Variants in TBKBP1 observed in about 807,000 individuals in gnomAD.
TBKBP1 encodes the protein TBK1 binding protein 1.
TBKBP1 carries 47 observed loss-of-function variants against 69.9 expected under a neutral mutation model. The ratio of observed to expected loss-of-function variants is 0.67; its 90% confidence interval spans 0.53 to 0.86. The LOEUF is 0.86. Among genes scored for constraint, TBKBP1 ranks in the 40% least tolerant of loss-of-function variants. TBKBP1 has a pLI of 0.00. For missense variants in TBKBP1, 831 were observed against 858.6 expected (o/e 0.97, Z 0.40); for synonymous variants, 418 against 390.3 (o/e 1.07, Z -0.84).
chr17:47,708,934 C>A lies in TBKBP1; in HGVS notation c.1201C>A (p.Pro401Thr). Residue 401 changes from proline (P) to threonine (T), a missense_variant, in exon 9 of 10, where the codon CCG becomes ACG. Transcript: ENST00000578982. The surrounding 1 kb of genome is among the most constrained non-coding windows in gnomAD (Gnocchi z 4.4). ...GTCGCCCGTCCCGCAGCGCCGCTCG[C>A]CGGTGCCGCCGTCGTGCCAGTCCCC... ...CPSPVPQRRS[P>T]VPPSCQSPSP... 7.9e-7 allele frequency: 1 copy of A among 1,267,290 alleles called. No individual in the cohort carries two copies. Among genetic ancestry groups the A allele is most frequent in the Non-Finnish European group, 1.0e-6 (1 of 999,174 alleles). The allele number at this position is 1,267,290 out of a possible 1,614,324, so 78.5% of individuals were successfully genotyped here. A position where few individuals can be genotyped will look rare whatever the true frequency, so the allele number is the denominator to read the frequency against.
Position 47,706,867 on chromosome 17 carries a change from A to ACACG in TBKBP1, c.873-1523_873-1520dup, listed in dbSNP as rs1555623217. ...CACACACACACACACACACACACAC[A>ACACG]CACGCACACACCCCTACGCTCATTC... On this transcript the variant is annotated intron_variant, in intron 7 of 9. Transcript: ENST00000578982. Among the ~76,000 whole-genome samples, 180 of 148,908 alleles carry ACACG rather than the reference A, an allele frequency of 1.2e-3. 1 individual carries two copies. The highest frequency in any genetic ancestry group is 1.9e-3 in the Non-Finnish European group (131 of 67,574).
chr17:47,699,453 G>A lies in TBKBP1; in HGVS notation c.768G>A (p.Arg256=). ...REEQLQAECE[R]LQGELKQLQE... Reference sequence around the variant, plus strand: ...AGCAGCTCCAGGCCGAGTGCGAGCGGCTGCAGGGGGAGCTGAAGCAGCTGC... The same window carrying A: ...AGCAGCTCCAGGCCGAGTGCGAGCGACTGCAGGGGGAGCTGAAGCAGCTGC... Residue 256 remains arginine (R), a synonymous_variant, in exon 6 of 10, where the codon CGG becomes CGA. Transcript: ENST00000578982. The A allele has an allele frequency of 6.4e-7, 1 of 1,571,368 alleles. No individual in the cohort carries two copies. The highest frequency in any genetic ancestry group is 8.6e-7 in the Non-Finnish European group (1 of 1,159,842).
Position 47,708,853 on chromosome 17 carries a change from G to T in TBKBP1, c.1120G>T (p.Val374Leu), listed in dbSNP as rs1279199624. 2 of 1,204,832 alleles carry T rather than the reference G, an allele frequency of 1.7e-6. No homozygotes were observed. Among genetic ancestry groups the T allele is most frequent in the Non-Finnish European group, 2.2e-6 (2 of 914,304 alleles). The allele number at this position is 1,204,832 out of a possible 1,614,324, so 74.6% of individuals were successfully genotyped here. ...CCCCGTCCCCCAGCGCCGCTCTCCC[G>T]TGCCCCCGTGCCCCTCGCCGCAGCA... ...QSPVPQRRSP[V>L]PPCPSPQQRR... The change falls in exon 9 of 10, where the codon GTG becomes TTG. Residue 374 changes from valine (V) to leucine (L), a missense_variant. Physicochemically the swap from Val to Leu is conservative, Grantham distance 32 (BLOSUM62 1). Transcript: ENST00000578982. This position sits in a 1 kb window ranked among gnomAD's most constrained non-coding sequence, Gnocchi z 4.4.
At chr17:47,696,413 G>A (rs2031246046) in intron 2 of TBKBP1, 76 bp downstream of exon 2, 1 of 1,507,100 alleles carries the variant, frequency 6.6e-7, no homozygotes, top group Non-Finnish European at 9.0e-7. Context: ...GTAGATACCA[G>A]GGATCCAAAA....
At position 47,708,683 on chromosome 17, in the gene TBKBP1, C is replaced by A; in HGVS notation, c.992-42C>A. 6.8e-7 allele frequency: 1 copy of A among 1,481,278 alleles called. No homozygotes were observed. The highest frequency in any genetic ancestry group is 8.9e-7 in the Non-Finnish European group (1 of 1,119,660). 91.8% of individuals were successfully genotyped at this position (1,481,278 alleles called of 1,614,324 possible). A position where few individuals can be genotyped will look rare whatever the true frequency, so the allele number is the denominator to read the frequency against. On this transcript the variant is annotated intron_variant, in intron 8 of 9. Coordinates refer to ENST00000578982, the MANE Select transcript of TBKBP1 (RefSeq NM_001394755.1). This position sits in a 1 kb window ranked among gnomAD's most constrained non-coding sequence, Gnocchi z 4.4. ...GCGCTCCAGTTCTGAGGTCTTCTCTCTGCACCTTTGTCCCCCCACCCCGTC... is the reference window on the plus strand; with the variant it reads ...GCGCTCCAGTTCTGAGGTCTTCTCTATGCACCTTTGTCCCCCCACCCCGTC...
Position 47,709,356 on chromosome 17 carries a change from C to T in TBKBP1, c.1623C>T (p.Arg541=), listed in dbSNP as rs1283634153. 2 of 1,527,786 alleles carry T rather than the reference C, an allele frequency of 1.3e-6. No homozygotes were observed. Among genetic ancestry groups the T allele is most frequent in the Non-Finnish European group, 1.7e-6 (2 of 1,143,888 alleles). 94.6% of individuals were successfully genotyped at this position (1,527,786 alleles called of 1,614,324 possible). ...SPPSPEVGTI[R]CASFCAGFPI... is the part of the protein sequence containing the mutation. ...CCAGCCCGGAGGTGGGCACCATCCG[C>T]TGCGCCTCCTTCTGCGCGGGCTTCC... The change falls in exon 9 of 10, where the codon CGC becomes CGT. Residue 541 remains arginine (R), a synonymous_variant. Coordinates refer to ENST00000578982, the MANE Select transcript of TBKBP1 (RefSeq NM_001394755.1).
chr17:47,709,411 TACGCCC>T lies in TBKBP1; in HGVS notation c.1684_1689del (p.His562_Ala563del), dbSNP rs768245255. ...CCCCGAGTCGCCCGCCGCCACCGCC[TACGCCC>T]ACGCCGAGCACGCGCAGTCCTGGCC... On this transcript the variant is annotated inframe_deletion, in exon 9 of 10. Coordinates refer to ENST00000578982, the MANE Select transcript of TBKBP1 (RefSeq NM_001394755.1). 37 of 1,541,124 alleles carry T rather than the reference TACGCCC, an allele frequency of 2.4e-5. No individual in the cohort carries two copies. Among genetic ancestry groups the T allele is most frequent in the Non-Finnish European group, 3.2e-5 (37 of 1,151,918 alleles).
At chr17:47,705,316 G>T (rs1346601464) in intron 7 of TBKBP1, among the ~76,000 whole-genome samples, 3 of 152,206 alleles carry the variant, frequency 2.0e-5, no homozygotes, top group African/African-American at 7.2e-5. Flanking sequence ...CTTAACCTCT[G>T]TAAGCCTCAG....
At chr17:47,710,178 T>A (rs74666363) in intron 9 of TBKBP1, among the ~76,000 whole-genome samples, 4,164 of 152,280 alleles carry the variant, frequency 0.027, 108 homozygotes, top group East Asian at 0.15. Flanking sequence ...TTGTTTAGGA[T>A]CGTACATTGC....
chr17:47,694,423 G>C (rs2031119625), intron 1 of TBKBP1, among the ~76,000 whole-genome samples: 1 of 151,938 alleles, frequency 6.6e-6, no homozygotes. Flanking sequence ...CCCCGAGAGG[G>C]TGTCCGGGGG....
Position 47,709,239 on chromosome 17 carries a change from C to T in TBKBP1, c.1506C>T (p.Pro502=). ...GCGAGCTCTACGGCCCTGGCAGGCC[C>T]CTCAGCCCGCGGCGCGCCTTCGAGG... ...YGSELYGPGR[P]LSPRRAFEGI... Residue 502 remains proline (P), a synonymous_variant, in exon 9 of 10, where the codon CCC becomes CCT. Coordinates refer to ENST00000578982, the MANE Select transcript of TBKBP1 (RefSeq NM_001394755.1). The T allele has an allele frequency of 2.0e-6, 3 of 1,524,612 alleles. No individual in the cohort carries two copies. The highest frequency in any genetic ancestry group is 2.6e-6 in the Non-Finnish European group (3 of 1,145,118). 94.4% of individuals were successfully genotyped at this position (1,524,612 alleles called of 1,614,324 possible). A position where few individuals can be genotyped will look rare whatever the true frequency, so the allele number is the denominator to read the frequency against.
At chr17:47,699,271 G>A in intron 5 of TBKBP1, 49 bp from the exon 6 acceptor site, 1 of 1,459,136 alleles carries the variant, frequency 6.9e-7, no homozygotes, top group Non-Finnish European at 9.0e-7. Flanking sequence ...GGCTCTGGGA[G>A]CTGGAGGAGG....
Position 47,696,817 on chromosome 17 carries a change from A to G in TBKBP1, c.332A>G (p.Asn111Ser), listed in dbSNP as rs768797573. Residue 111 changes from asparagine to serine, a missense_variant, in exon 3 of 10, where the codon AAC (asparagine) becomes AGC (serine). Asn to Ser is a conservative substitution (Grantham distance 46). Transcript: ENST00000578982. ...AAGGTCAGCCTGCAGCAACGGCTCA[A>G]CCAGTTCCAGCATGAGGTGAGCCTA... ...VEKVSLQQRL[N>S]QFQHELQKNK... 4 of 1,613,740 alleles carry G rather than the reference A, an allele frequency of 2.5e-6. No individual in the cohort carries two copies. Among genetic ancestry groups the G allele is most frequent in the African/African-American group, 2.7e-5 (2 of 74,936 alleles).
intron 7 of TBKBP1, among the ~76,000 whole-genome samples, chr17:47,701,360 C>CAG (rs1447700775): frequency 5.9e-5 from 9 of 151,324 alleles, no homozygotes; most frequent in African/African-American, 2.2e-4. Flanking sequence ...CACAGACACA[C>CAG]ACACACACAC....
At chr17:47,707,750 A>G (rs562236772) in intron 7 of TBKBP1, among the ~76,000 whole-genome samples, 2 of 152,310 alleles carry the variant, frequency 1.3e-5, no homozygotes, top group East Asian at 1.9e-4. Context: ...AGGTCGAGCC[A>G]GGTGCAGTGG....
In TBKBP1 at chr17:47,708,712, G is replaced by A; in HGVS notation, c.992-13G>A. 1.3e-6 allele frequency: 2 copies of A among 1,481,658 alleles called. No homozygotes were observed. Among genetic ancestry groups the A allele is most frequent in the Non-Finnish European group, 1.8e-6 (2 of 1,122,112 alleles). The allele number at this position is 1,481,658 out of a possible 1,614,324, so 91.8% of individuals were successfully genotyped here. ...ACCTTTGTCCCCCCACCCCGTCCCG[G>A]TTTCTCTTCCAGGCCAGAGGCACTC... On this transcript the variant is annotated splice_polypyrimidine_tract_variant and intron_variant, in intron 8 of 9. Transcript: ENST00000578982. This position sits in a 1 kb window ranked among gnomAD's most constrained non-coding sequence, Gnocchi z 4.4.
Position 47,696,829 on chromosome 17 carries a change from A to G in TBKBP1, c.344A>G (p.His115Arg), listed in dbSNP as rs944106582. The G allele has an allele frequency of 2.5e-6, 4 of 1,613,660 alleles. No individual in the cohort carries two copies. The highest frequency in any genetic ancestry group is 2.7e-5 in the African/African-American group (2 of 74,932). The stretch of plus-strand genomic sequence containing the variant: ...CAGCAACGGCTCAACCAGTTCCAGC[A>G]TGAGGTGAGCCTACCAGGCTGGGCG... Reference protein sequence around the residue: ...SLQQRLNQFQHELQKNKEQEE... With the variant: ...SLQQRLNQFQRELQKNKEQEE... Residue 115 changes from histidine (H) to arginine (R), a missense_variant, in exon 3 of 10, where the codon CAT becomes CGT. His to Arg is a conservative substitution (Grantham distance 29). Coordinates refer to ENST00000578982, the MANE Select transcript of TBKBP1 (RefSeq NM_001394755.1).
At position 47,710,586 on chromosome 17, in the gene TBKBP1, TCAAACACATTGACTCCCAC is replaced by T. The variant is rs1482513059; in HGVS notation, c.1810_1828del (p.Lys604TrpfsTer32). On this transcript the variant is annotated frameshift_variant, in exon 10 of 10. Coordinates refer to ENST00000578982, the MANE Select transcript of TBKBP1 (RefSeq NM_001394755.1). LOFTEE classifies it high-confidence loss of function. ...GTCGGGTACCCGGATGATGCCCTCA[TCAAACACATTGACTCCCAC>T]CTGGAGAACAGCAAGATCTAGGGCA... 1 of 1,611,836 alleles carries T rather than the reference TCAAACACATTGACTCCCAC, an allele frequency of 6.2e-7. No individual in the cohort carries two copies. The highest frequency in any genetic ancestry group is 8.5e-7 in the Non-Finnish European group (1 of 1,178,550).
At chr17:47,700,289 C>CTTTTTTTTTGTTTTTTTTTTT (rs2031446152) in intron 7 of TBKBP1, among the ~76,000 whole-genome samples, 1 of 41,476 alleles carries the variant, frequency 2.4e-5, no homozygotes, top group Non-Finnish European at 4.4e-5. Context: ...GCGCCCGGAC[C>CTTTTTTTTTGTTTTTTTTTTT]TTTTTTTTTT....
Sources: allele counts gnomAD v4.1 joint callset (sites outside exome capture counted in the v4.1 genomes callset), GRCh38; gene constraint gnomAD v4.1.1; non-coding constraint Gnocchi (gnomAD v3.1); transcripts MANE v1.5; gene names NCBI Gene and HGNC (gene_info 2026-07-23, HGNC 2026-07-21).